Variants in TANC2 observed in about 807,000 individuals in gnomAD.
TANC2 encodes the protein tetratricopeptide repeat, ankyrin repeat and coiled-coil containing 2.
In TANC2, 26 loss-of-function variants were observed where a neutral mutation model predicts 210.5. The observed-to-expected ratio is 0.12, with a 90% confidence interval of 0.09 to 0.17. TANC2 has a LOEUF of 0.17. Ranked by LOEUF, TANC2 falls within the 10% of genes least tolerant of loss-of-function variation. The probability of loss-of-function intolerance (pLI) is 1.00; values close to 1 mark genes in which losing one functional copy is unlikely to be tolerated. For missense variants in TANC2, 2,129 were observed against 2,608.9 expected, an observed-to-expected ratio of 0.82 and a Z score of 4.01; for synonymous variants, 931 against 967.1, an observed-to-expected ratio of 0.96 and a Z score of 0.69.
chr17:63,202,056 A>G (rs2041552108), intron 7 of TANC2, among the ~76,000 whole-genome samples: 1 of 152,122 alleles, frequency 6.6e-6, no homozygotes, highest in Non-Finnish European at 1.5e-5. Context: ...TGCTCTTCTT[A>G]TAGTTAGGTA....
chr17:63,106,106 G>C (rs1183374852), intron 4 of TANC2, among the ~76,000 whole-genome samples: 1 of 151,532 alleles, frequency 6.6e-6, no homozygotes, highest in Non-Finnish European at 1.5e-5. Context: ...ATAAAGATTA[G>C]GCTATTGTAA....
chr17:63,099,002 C>T, intron 3 of TANC2, among the ~76,000 whole-genome samples, 173 bp from the exon 4 acceptor site: 1 of 152,110 alleles, frequency 6.6e-6, no homozygotes, highest in East Asian at 1.9e-4. Flanking sequence ...TTTCGTAGTG[C>T]TAGACCTGGA....
chr17:63,412,178 C>T lies in TANC2; in HGVS notation c.3898+48C>T, dbSNP rs559671057. On this transcript the variant is annotated intron_variant, in intron 23 of 27. Transcript: ENST00000689528. This position sits in a 1 kb window ranked among gnomAD's most constrained non-coding sequence, Gnocchi z 4.2. ...TGGCCATCTGTGCCCAGGGGCCAGA[C>T]TGGTCCAGTGGTCTGGCTGCCCTGG... is the stretch of plus-strand genomic sequence containing the variant. The T allele has an allele frequency of 1.2e-6, 2 of 1,613,074 alleles. No individual in the cohort carries two copies. Among genetic ancestry groups the T allele is most frequent in the East Asian group, 4.5e-5 (2 of 44,868 alleles).
At chr17:63,140,820 C>T (rs1340582788) in intron 4 of TANC2, among the ~76,000 whole-genome samples, 1 of 152,134 alleles carries the variant, frequency 6.6e-6, no homozygotes. Flanking sequence ...CATCTTGGCT[C>T]ATTGCATCCT....
At chr17:63,337,788 G>A (rs547291558) in intron 11 of TANC2, among the ~76,000 whole-genome samples, 1 of 152,092 alleles carries the variant, frequency 6.6e-6, no homozygotes, top group African/African-American at 2.4e-5. Flanking sequence ...CCGCCCTCCG[G>A]TAGGCCCCAG....
chr17:63,324,493 A>G (rs1218123606), intron 11 of TANC2, among the ~76,000 whole-genome samples: 1 of 152,214 alleles, frequency 6.6e-6, no homozygotes, highest in African/African-American at 2.4e-5. Flanking sequence ...ACACACACAC[A>G]CATACATACA....
chr17:63,002,696 T>G (rs942697029), intron 1 of TANC2, among the ~76,000 whole-genome samples: 6 of 152,228 alleles, frequency 3.9e-5, no homozygotes, highest in Non-Finnish European at 5.9e-5. Context: ...CTGATTTTTT[T>G]GGCATAGATT....
intron 3 of TANC2, among the ~76,000 whole-genome samples, chr17:63,098,248 C>G (rs1203451185): frequency 6.6e-6 from 1 of 151,948 alleles, no homozygotes; most frequent in African/African-American, 2.4e-5. Context: ...TTTTAGTAGG[C>G]ACTGTCAATG....
intron 7 of TANC2, among the ~76,000 whole-genome samples, chr17:63,236,183 C>T (rs924998527): frequency 5.3e-5 from 8 of 151,966 alleles, no homozygotes; most frequent in South Asian, 2.1e-4. Context: ...TTTTAGGGAC[C>T]GCTGAGGCTC....
chr17:63,378,398 A>G (rs982072621), intron 14 of TANC2, among the ~76,000 whole-genome samples: 3 of 147,596 alleles, frequency 2.0e-5, no homozygotes, highest in East Asian at 2.0e-4. Context: ...TTTGAGCTGG[A>G]AAAAAAAAAC....
At chr17:63,270,492 A>G (rs1205983104) in intron 9 of TANC2, among the ~76,000 whole-genome samples, 1 of 152,158 alleles carries the variant, frequency 6.6e-6, no homozygotes, top group Non-Finnish European at 1.5e-5. Context: ...AATTACAGTC[A>G]TATTTCAGTT....
intron 2 of TANC2, among the ~76,000 whole-genome samples, chr17:63,013,396 C>A (rs1039035690): frequency 3.9e-5 from 6 of 152,102 alleles, no homozygotes; most frequent in African/African-American, 1.2e-4. Context: ...TGCCACTTTT[C>A]TCTTTTAAGG....
chr17:63,239,954 A>G (rs1015659411), intron 8 of TANC2, among the ~76,000 whole-genome samples: 2 of 151,986 alleles, frequency 1.3e-5, no homozygotes, highest in Non-Finnish European at 2.9e-5. Flanking sequence ...CTTTTAAATG[A>G]CCCATTCTCT....
chr17:63,162,331 A>C (rs1450263672), intron 5 of TANC2, among the ~76,000 whole-genome samples: 1 of 151,766 alleles, frequency 6.6e-6, no homozygotes, highest in Non-Finnish European at 1.5e-5. Flanking sequence ...CTGAGGGTTT[A>C]AAAGTGAGTG....
At chr17:63,170,526 C>A (rs1372350848) in intron 5 of TANC2, among the ~76,000 whole-genome samples, 1 of 152,018 alleles carries the variant, frequency 6.6e-6, no homozygotes, top group Non-Finnish European at 1.5e-5. Context: ...AAAGTCCCTG[C>A]CATTATTTCC....
At chr17:63,078,642 AC>A (rs2036655223) in intron 3 of TANC2, among the ~76,000 whole-genome samples, 1 of 152,012 alleles carries the variant, frequency 6.6e-6, no homozygotes, top group African/African-American at 2.4e-5. Flanking sequence ...TTTTTCTTTG[AC>A]CCATGTGTTA....
In TANC2 at chr17:63,406,095, C is replaced by T. The variant is rs561135249; in HGVS notation, c.3466-59C>T. The stretch of plus-strand genomic sequence containing the variant: ...CCTACAGAGTAAGAGATAGTGTGCA[C>T]GTGTCTTCTCAGCAGCTCTTCTTTG... On this transcript the variant is annotated intron_variant, in intron 20 of 27. Transcript: ENST00000689528. The T allele has an allele frequency of 2.7e-4, 426 of 1,601,990 alleles. No individual in the cohort carries two copies. The East Asian group carries it at 3.1e-3, about 12-fold the overall frequency.
chr17:63,197,367 A>G (rs985328915), intron 6 of TANC2, among the ~76,000 whole-genome samples: 7 of 152,204 alleles, frequency 4.6e-5, no homozygotes, highest in Non-Finnish European at 8.8e-5. Flanking sequence ...CACTGGAACT[A>G]TCTTGGAACC....
intron 2 of TANC2, among the ~76,000 whole-genome samples, chr17:63,011,724 A>T (rs2033880542): frequency 6.6e-6 from 1 of 152,034 alleles, no homozygotes; most frequent in African/African-American, 2.4e-5. Context: ...TTTTTTTCTC[A>T]TATTAATATA....
Sources: allele counts gnomAD v4.1 joint callset (sites outside exome capture counted in the v4.1 genomes callset), GRCh38; gene constraint gnomAD v4.1.1; non-coding constraint Gnocchi (gnomAD v3.1); transcripts MANE v1.5; gene names NCBI Gene and HGNC (gene_info 2026-07-23, HGNC 2026-07-21).